Variants in SFMBT2 observed in about 807,000 individuals in gnomAD.
SFMBT2 encodes the protein scm-like with four MBT domains protein 2.
In SFMBT2, 38 loss-of-function variants were observed where a neutral mutation model predicts 110.1. That is an observed-to-expected ratio of 0.35 (90% CI 0.27 to 0.45). The LOEUF is 0.45. SFMBT2 is among the 20% of genes least tolerant of loss of function. The probability of loss-of-function intolerance (pLI) is 1.00; values close to 1 mark genes in which losing one functional copy is unlikely to be tolerated. For synonymous variants in SFMBT2, 425 were observed against 425.4 expected (o/e 1.00, Z 0.01); for missense variants, 1,011 against 1,094.9 (o/e 0.92, Z 1.08).
At chr10:7,220,328 G>T in intron 11 of SFMBT2, 83 bp downstream of exon 11, 4 of 1,142,234 alleles carry the variant, frequency 3.5e-6, no homozygotes, top group Non-Finnish European at 5.1e-6. Context: ...CCCCTTCTGA[G>T]AAGGGCTGCT....
chr10:7,198,543 G>A (rs1232574264), intron 14 of SFMBT2, among the ~76,000 whole-genome samples: 1 of 152,188 alleles, frequency 6.6e-6, no homozygotes, highest in African/African-American at 2.4e-5. Context: ...AAGGGCTCCT[G>A]TAGTCCTACA....
At chr10:7,351,016 C>T (rs1188239463) in intron 4 of SFMBT2, among the ~76,000 whole-genome samples, 1 of 152,206 alleles carries the variant, frequency 6.6e-6, no homozygotes, top group African/African-American at 2.4e-5. Context: ...TCCTCTACCT[C>T]CTTCCTTGCA....
chr10:7,174,777 A>G (rs1367331091), intron 17 of SFMBT2, among the ~76,000 whole-genome samples: 1 of 152,188 alleles, frequency 6.6e-6, no homozygotes, highest in Non-Finnish European at 1.5e-5. Flanking sequence ...CCCCTGGAAA[A>G]AGGTGCAGTG....
At chr10:7,376,080 A>G (rs11814399) in intron 2 of SFMBT2, among the ~76,000 whole-genome samples, 3 of 152,208 alleles carry the variant, frequency 2.0e-5, no homozygotes, top group African/African-American at 7.2e-5. Flanking sequence ...TATAGACTTC[A>G]TCAGGAAATT....
In SFMBT2 at chr10:7,301,397, G is replaced by A. The variant is rs1418631043; in HGVS notation, c.437-15443C>T. On this transcript the variant is annotated intron_variant, in intron 4 of 20. Transcript: ENST00000397167. The surrounding 1 kb of genome is among the most constrained non-coding windows in gnomAD (Gnocchi z 4.2). ...GCAGCTCTTCCAATCATCAAGTGAG[G>A]AATGAAGAAAGCCCGAACTCATGAG... 2.0e-5 allele frequency among the ~76,000 whole-genome samples: 3 copies of A among 152,206 alleles called. No homozygotes were observed. The highest frequency in any genetic ancestry group is 4.4e-5 in the Non-Finnish European group (3 of 68,040).
chr10:7,376,066 T>C (rs926858553), intron 2 of SFMBT2, among the ~76,000 whole-genome samples: 3 of 152,224 alleles, frequency 2.0e-5, no homozygotes. Flanking sequence ...AACACCGCTT[T>C]ATCTATAGAC....
intron 20 of SFMBT2, among the ~76,000 whole-genome samples, chr10:7,164,785 ACACACAC>A (rs1837652736): frequency 6.9e-6 from 1 of 144,666 alleles, no homozygotes; most frequent in Non-Finnish European, 1.5e-5. Flanking sequence ...ACACACACAC[ACACACAC>A]CATTTACAGA....
chr10:7,212,450 G>C (rs1175780043), intron 11 of SFMBT2, among the ~76,000 whole-genome samples: 1 of 152,246 alleles, frequency 6.6e-6, no homozygotes, highest in East Asian at 1.9e-4. Flanking sequence ...CTGTGGGACA[G>C]TGTCCAGCAC....
chr10:7,397,226 G>A (rs1845951105), intron 1 of SFMBT2, among the ~76,000 whole-genome samples: 1 of 152,140 alleles, frequency 6.6e-6, no homozygotes, highest in Non-Finnish European at 1.5e-5. Flanking sequence ...TCACTACAGT[G>A]AAAGCCACCA....
At chr10:7,252,006 C>G (rs891894064) in intron 7 of SFMBT2, among the ~76,000 whole-genome samples, 1 of 152,218 alleles carries the variant, frequency 6.6e-6, no homozygotes, top group Non-Finnish European at 1.5e-5. Context: ...CTGTGCTTCT[C>G]TCTGTTCCAC....
chr10:7,337,282 T>C (rs981085178), intron 4 of SFMBT2, among the ~76,000 whole-genome samples: 3 of 152,244 alleles, frequency 2.0e-5, no homozygotes, highest in Non-Finnish European at 4.4e-5. Context: ...CTCCCCTGCA[T>C]GAGGACAGGG....
At chr10:7,218,084 TG>T (rs1839601901) in intron 11 of SFMBT2, among the ~76,000 whole-genome samples, 1 of 152,210 alleles carries the variant, frequency 6.6e-6, no homozygotes, top group African/African-American at 2.4e-5. Flanking sequence ...AGTCTAGTGT[TG>T]AAAACACTTC....
chr10:7,163,529 C>A lies in SFMBT2; in HGVS notation c.*241G>T. 2.3e-6 allele frequency: 1 copy of A among 437,602 alleles called. No homozygotes were observed. 27.1% of individuals were successfully genotyped at this position (437,602 alleles called of 1,614,324 possible). ...GTGGGTGAGCCAAGAAGCAGGCCCA[C>A]GTCTGGCAGGGTCTGATGCATGACT... On this transcript the variant is annotated 3_prime_UTR_variant, in exon 21 of 21. Coordinates refer to ENST00000397167, the MANE Select transcript of SFMBT2 (RefSeq NM_001387889.1). The surrounding 1 kb of genome is among the most constrained non-coding windows in gnomAD (Gnocchi z 4.8).
chr10:7,397,776 T>G (rs1319627519), intron 1 of SFMBT2, among the ~76,000 whole-genome samples: 1 of 152,212 alleles, frequency 6.6e-6, no homozygotes, highest in African/African-American at 2.4e-5. Context: ...CCGTGTTAAG[T>G]GCCAAGCACT....
chr10:7,277,123 C>T (rs1841806425), intron 6 of SFMBT2, 134 bp from the exon 7 acceptor site: 2 of 606,902 alleles, frequency 3.3e-6, no homozygotes, highest in Non-Finnish European at 5.9e-6. Flanking sequence ...ACACCCCATA[C>T]CCACCATGAG....
chr10:7,206,301 G>T (rs1712567316), intron 11 of SFMBT2: 1 of 985,288 alleles, frequency 1.0e-6, no homozygotes, highest in South Asian at 4.7e-5. Context: ...ACAGCTCTGG[G>T]GTTAAGGGAA....
intron 12 of SFMBT2, chr10:7,203,086 T>A: frequency 2.0e-6 from 2 of 985,450 alleles, no homozygotes; most frequent in Non-Finnish European, 2.4e-6. Context: ...CTGATTCAGA[T>A]CACCTTAACA....
chr10:7,342,974 T>G (rs1458151047), intron 4 of SFMBT2, among the ~76,000 whole-genome samples: 1 of 152,220 alleles, frequency 6.6e-6, no homozygotes, highest in Admixed American at 6.5e-5. Context: ...GTACAGATAA[T>G]TTTGTCACCC....
chr10:7,264,341 G>A (rs369540726), intron 7 of SFMBT2: 13 of 159,006 alleles, frequency 8.2e-5, no homozygotes, highest in African/African-American at 3.1e-4. Context: ...TCCCTTATCA[G>A]TGATGTGTGT....
Sources: gnomAD v4.1 joint callset for allele counts (sites outside exome capture counted in the v4.1 genomes callset) on GRCh38, gnomAD v4.1.1 for gene constraint, Gnocchi (gnomAD v3.1) non-coding constraint, MANE v1.5 for transcripts, NCBI Gene and HGNC (gene_info 2026-07-23, HGNC 2026-07-21) for gene names.